The following LAMB2 variants were observed in gnomAD, a reference collection of about 807,000 sequenced individuals.
The protein encoded by LAMB2 is laminin subunit beta-2.
A neutral mutation model predicts 202.7 loss-of-function variants in LAMB2; 119 were observed. That is an observed-to-expected ratio of 0.59 (90% CI 0.51 to 0.68). The LOEUF is 0.68. LAMB2 is among the 30% of genes least tolerant of loss of function. The pLI is 0.00. For missense variants in LAMB2, 2,124 were observed against 2,410.6 expected (o/e 0.88, Z 2.49); for synonymous variants, 818 against 902.2 (o/e 0.91, Z 1.67).
At chr3:49,128,330 G>A in intron 15 of LAMB2, 128 bp downstream of exon 15, 2 of 1,249,168 alleles carry the variant, frequency 1.6e-6, no homozygotes, top group Non-Finnish European at 2.2e-6. Context: ...CTGGCAACCA[G>A]CATTCTGGAG....
Position 49,128,459 on chromosome 3 carries a change from T to C in LAMB2, c.2017A>G (p.Arg673Gly). Residue 673 changes from arginine (R) to glycine (G), a missense_variant and splice_region_variant, in exon 15 of 32, where the codon AGG becomes GGG. Arg to Gly is a moderately radical substitution (Grantham distance 125, BLOSUM62 -2). This residue lies in a region of LAMB2 where 1,702 missense variants were observed against 1,896.3 expected (regional missense o/e 0.90). Coordinates refer to ENST00000305544, the MANE Select transcript of LAMB2 (RefSeq NM_002292.4). ...RIQGTLQPHARYLIFPNPVCL... is the reference protein window; with the variant it reads ...RIQGTLQPHAGYLIFPNPVCL... Reference sequence around the variant, plus strand: ...GAGTGCTACCACCAGTGCCCTCACCTGGCATGTGGTTGCAGAGTCCCTTGG... The same window carrying C: ...GAGTGCTACCACCAGTGCCCTCACCCGGCATGTGGTTGCAGAGTCCCTTGG... 4 of 1,613,788 alleles carry C rather than the reference T, an allele frequency of 2.5e-6. No homozygotes were observed. The highest frequency in any genetic ancestry group is 3.4e-6 in the Non-Finnish European group (4 of 1,179,916).
chr3:49,127,704 C>T (rs1008254516), intron 15 of LAMB2, among the ~76,000 whole-genome samples: 3 of 147,318 alleles, frequency 2.0e-5, no homozygotes, highest in African/African-American at 7.6e-5. Context: ...CAAAAACAAA[C>T]AAACAAACAA....
In LAMB2 at chr3:49,121,585, C is replaced by T. The variant is rs771531508; in HGVS notation, c.5108G>A (p.Arg1703His). ...CTGGTACTGATCACCCAGAGGACCG[C>T]GTAGCAGCTGCAGATGTAGAGGGTT... ...GRAQEAEQLL[R>H]GPLGDQYQTV... Residue 1703 changes from arginine (R) to histidine (H), a missense_variant, in exon 31 of 32, where the codon CGC becomes CAC. Around this residue, in one of 3 missense-constraint regions of LAMB2, gnomAD observed 1,702 missense variants for 1,896.3 expected, o/e 0.90. Coordinates refer to ENST00000305544, the MANE Select transcript of LAMB2 (RefSeq NM_002292.4). The T allele has an allele frequency of 4.2e-5, 68 of 1,613,886 alleles. No homozygotes were observed. In the South Asian group the frequency reaches 7.4e-4, roughly 17 times the overall value.
At position 49,129,437 on chromosome 3, in the gene LAMB2, C is replaced by T. The variant is rs555797428; in HGVS notation, c.1519-113G>A. On this transcript the variant is annotated intron_variant, in intron 11 of 31. Transcript: ENST00000305544. This position sits in a 1 kb window ranked among gnomAD's most constrained non-coding sequence, Gnocchi z 6.1. ...TCAATCACCCCTCAGTGAAAACATGCCCCCCAGACCACTGGCCCACATCCT... is the reference window on the plus strand; with the variant it reads ...TCAATCACCCCTCAGTGAAAACATGTCCCCCAGACCACTGGCCCACATCCT... 3 of 1,113,294 alleles carry T rather than the reference C, an allele frequency of 2.7e-6. No homozygotes were observed. Among genetic ancestry groups the T allele is most frequent in the South Asian group, 1.3e-5 (1 of 75,290 alleles). 69.0% of individuals were successfully genotyped at this position (1,113,294 alleles called of 1,614,324 possible).
chr3:49,126,211 A>G, intron 16 of LAMB2, 52 bp from the exon 17 acceptor site: 1 of 1,607,464 alleles, frequency 6.2e-7, no homozygotes, highest in Non-Finnish European at 8.5e-7. Flanking sequence ...CCACGTAGGC[A>G]TTGCCAGAGC....
At position 49,131,915 on chromosome 3, in the gene LAMB2, G is replaced by T. The variant is rs963946202; in HGVS notation, c.460-192C>A. ...AGACTCAGGGTTCATGGGGCTCAGG[G>T]AGACAGCGCCTGACCCAGCCTGGGA... On this transcript the variant is annotated intron_variant, in intron 4 of 31. Coordinates refer to ENST00000305544, the MANE Select transcript of LAMB2 (RefSeq NM_002292.4). The surrounding 1 kb of genome is among the most constrained non-coding windows in gnomAD (Gnocchi z 5.0). 6.6e-6 allele frequency among the ~76,000 whole-genome samples: 1 copy of T among 152,202 alleles called. No individual in the cohort carries two copies. Among genetic ancestry groups the T allele is most frequent in the African/African-American group, 2.4e-5 (1 of 41,438 alleles).
Position 49,128,547 on chromosome 3 carries a change from C to T in LAMB2, c.1929G>A (p.Gln643=). The T allele has an allele frequency of 6.2e-7, 1 of 1,614,220 alleles. No homozygotes were observed. The highest frequency in any genetic ancestry group is 1.1e-5 in the South Asian group (1 of 91,090). The change falls in exon 15 of 32, where the codon CAG becomes CAA. Residue 643 remains glutamine, a synonymous_variant. Coordinates refer to ENST00000305544, the MANE Select transcript of LAMB2 (RefSeq NM_002292.4). The stretch of plus-strand genomic sequence containing the variant: ...TGTGGGCAGGCACAGGCCCTGGACG[C>T]TGCACAATCAGTTCCAACTCTGCCC... ...EQWAELELIV[Q]RPGPVPAHSL... is the part of the protein sequence containing the mutation.
In LAMB2 at chr3:49,121,992, G is replaced by T. The variant is rs2045290798; in HGVS notation, c.4875C>A (p.Ile1625=). 2 of 1,613,768 alleles carry T rather than the reference G, an allele frequency of 1.2e-6. No homozygotes were observed. The highest frequency in any genetic ancestry group is 1.7e-6 in the Non-Finnish European group (2 of 1,180,028). The part of the protein sequence containing the change: ...QRAQGIAQGA[I]RGAVADTRDT... Reference sequence around the variant, plus strand: ...CCCGTGTGTCAGCCACTGCCCCCCGGATGGCACCCTGGGCAATACCCTGTG... The same window carrying T: ...CCCGTGTGTCAGCCACTGCCCCCCGTATGGCACCCTGGGCAATACCCTGTG... The change falls in exon 29 of 32, where the codon ATC becomes ATA. Residue 1625 remains isoleucine (I), a synonymous_variant. Coordinates refer to ENST00000305544, the MANE Select transcript of LAMB2 (RefSeq NM_002292.4).
In LAMB2 at chr3:49,123,029, T is replaced by A; in HGVS notation, c.4248A>T (p.Ala1416=). ...CCCCACAAGGGCTTGTAGCACAGGG[T>A]GCATCCCCTGGTGCCCCACACACCT... is the stretch of plus-strand genomic sequence containing the variant. The part of the protein sequence containing the change: ...NELVCGAPGD[A]PCATSPCGGA... The change falls in exon 27 of 32, where the codon GCA becomes GCT. Residue 1416 remains alanine, a synonymous_variant. Coordinates refer to ENST00000305544, the MANE Select transcript of LAMB2 (RefSeq NM_002292.4). The A allele has an allele frequency of 6.2e-7, 1 of 1,607,720 alleles. No homozygotes were observed. Among genetic ancestry groups the A allele is most frequent in the Non-Finnish European group, 8.5e-7 (1 of 1,179,960 alleles).
Position 49,121,837 on chromosome 3 carries a change from T to G in LAMB2, c.4947A>C (p.Ala1649=). The change falls in exon 30 of 32, where the codon GCA becomes GCC. Residue 1649 remains alanine (A), a synonymous_variant. Transcript: ENST00000305544. ...LYQVQERMAG[A]ERALSSAGER... ...CACCTGCAGAGCTCAGTGCCCGCTC[T>G]GCACCTGCCATCCTCTCCTGTACCT... 4 of 1,613,090 alleles carry G rather than the reference T, an allele frequency of 2.5e-6. No homozygotes were observed. The highest frequency in any genetic ancestry group is 3.4e-6 in the Non-Finnish European group (4 of 1,180,026).
At chr3:49,122,511 A>T (rs1394015877) in intron 27 of LAMB2, 141 bp from the exon 28 acceptor site, 2 of 957,654 alleles carry the variant, frequency 2.1e-6, no homozygotes, top group Non-Finnish European at 3.3e-6. Context: ...AAGGACAGGG[A>T]CTATACAAGG....
At position 49,132,720 on chromosome 3, in the gene LAMB2, T is replaced by G; in HGVS notation, c.77-57A>C. On this transcript the variant is annotated intron_variant, in intron 1 of 31. Transcript: ENST00000305544. This position sits in a 1 kb window ranked among gnomAD's most constrained non-coding sequence, Gnocchi z 4.6. ...GTTCCTATCCAGTGGCTCCACCTCA[T>G]GTGCCCCAAGGGCAACTACCAGGAC... The G allele has an allele frequency of 6.2e-7, 1 of 1,613,484 alleles. No individual in the cohort carries two copies. The highest frequency in any genetic ancestry group is 8.5e-7 in the Non-Finnish European group (1 of 1,179,408).
Position 49,122,059 on chromosome 3 carries a change from TTC to T in LAMB2, c.4806_4807del (p.Lys1603GlyfsTer28), listed in dbSNP as rs1560066873. The T allele has an allele frequency of 1.9e-6, 3 of 1,613,598 alleles. No homozygotes were observed. Among genetic ancestry groups the T allele is most frequent in the Non-Finnish European group, 2.5e-6 (3 of 1,180,030 alleles). ...CAGTGCTGCCTGTACTGTCTCTGCC[TTC>T]TGTTTCTCATCCTCAGCCCAGCTCC... On this transcript the variant is annotated frameshift_variant, in exon 29 of 32. Transcript: ENST00000305544. LOFTEE classifies it high-confidence loss of function.
rs1475251047 is a variant in LAMB2, at chr3:49,132,324, C to G, written c.331G>C (p.Val111Leu). 2 of 1,614,242 alleles carry G rather than the reference C, an allele frequency of 1.2e-6. No individual in the cohort carries two copies. Among genetic ancestry groups the G allele is most frequent in the Middle Eastern group, 1.6e-4 (1 of 6,062 alleles). ...CGCTGTGGTGCAAAGCTGGTGACTA[C>G]ATTCTGGATGCGATGGCTGTGTGGG... Reference protein sequence around the residue: ...DNPHSHRIQNVVTSFAPQRRA... With the variant: ...DNPHSHRIQNLVTSFAPQRRA... The change falls in exon 3 of 32, where the codon GTA becomes CTA. Residue 111 changes from valine to leucine, a missense_variant. Val to Leu is a conservative substitution (Grantham distance 32). Coordinates refer to ENST00000305544, the MANE Select transcript of LAMB2 (RefSeq NM_002292.4). The surrounding 1 kb of genome is among the most constrained non-coding windows in gnomAD (Gnocchi z 4.6).
Position 49,121,756 on chromosome 3 carries a change from T to C in LAMB2, c.5028A>G (p.Gly1676=), listed in dbSNP as rs1442245285. The C allele has an allele frequency of 6.2e-7, 1 of 1,613,762 alleles. No homozygotes were observed. Reference sequence around the variant, plus strand: ...CTGCTGTAGAGGCTGCCAGACTATTTCCTGCCCGTTTCAATTTCAGAGCCT... The same window carrying C: ...CTGCTGTAGAGGCTGCCAGACTATTCCCTGCCCGTTTCAATTTCAGAGCCT... The part of the protein sequence containing the change: ...LLEALKLKRA[G]NSLAASTAEE... The change falls in exon 30 of 32, where the codon GGA becomes GGG. Residue 1676 remains glycine, a synonymous_variant. Coordinates refer to ENST00000305544, the MANE Select transcript of LAMB2 (RefSeq NM_002292.4).
chr3:49,129,828 G>C lies in LAMB2; in HGVS notation c.1405+11C>G, dbSNP rs749847090. 25 of 1,613,756 alleles carry C rather than the reference G, an allele frequency of 1.5e-5. No homozygotes were observed. The highest frequency in any genetic ancestry group is 2.1e-5 in the Non-Finnish European group (25 of 1,179,980). ...AAGGTCAGCATAGAAGTTAGGGCAG[G>C]AGACACATACGCCGGCAGCCCAGAC... On this transcript the variant is annotated intron_variant, in intron 10 of 31. Transcript: ENST00000305544. The surrounding 1 kb of genome is among the most constrained non-coding windows in gnomAD (Gnocchi z 6.1).
At position 49,130,092 on chromosome 3, in the gene LAMB2, AG is replaced by A; in HGVS notation, c.1226-75del. On this transcript the variant is annotated intron_variant, in intron 9 of 31. Coordinates refer to ENST00000305544, the MANE Select transcript of LAMB2 (RefSeq NM_002292.4). This position sits in a 1 kb window ranked among gnomAD's most constrained non-coding sequence, Gnocchi z 5.0. ...CACTGCCAGTCCTCTCCTAAGCCTA[AG>A]GGATCCCACCCTGGATCCCTGGTCA... The A allele has an allele frequency of 6.3e-7, 1 of 1,588,788 alleles. No individual in the cohort carries two copies. The highest frequency in any genetic ancestry group is 8.6e-7 in the Non-Finnish European group (1 of 1,157,840).
At position 49,126,421 on chromosome 3, in the gene LAMB2, CT is replaced by C. The variant is rs1434863052; in HGVS notation, c.2094del (p.Gly700GlufsTer28). On this transcript the variant is annotated frameshift_variant, in exon 16 of 32. Coordinates refer to ENST00000305544, the MANE Select transcript of LAMB2 (RefSeq NM_002292.4). LOFTEE classifies it high-confidence loss of function. ...SYKLHLKLVR[T>X]GGSAQPETPY... ...GGAGTCTCAGGCTGGGCACTTCCCCCTGTCCGTACCAGCTTCAGATGCAGCT... is the reference window on the plus strand; with the variant it reads ...GGAGTCTCAGGCTGGGCACTTCCCCCGTCCGTACCAGCTTCAGATGCAGCT... 1 of 1,614,092 alleles carries C rather than the reference CT, an allele frequency of 6.2e-7. No individual in the cohort carries two copies. Among genetic ancestry groups the C allele is most frequent in the Admixed American group, 1.7e-5 (1 of 60,000 alleles).
chr3:49,130,934 G>A lies in LAMB2; in HGVS notation c.915+16C>T, dbSNP rs376022767. ...CCCTGCCCCTAGCCCTATCCCAACC[G>A]TCTGAAGCCCCTTACCATGCCCTCA... On this transcript the variant is annotated intron_variant, in intron 7 of 31. Coordinates refer to ENST00000305544, the MANE Select transcript of LAMB2 (RefSeq NM_002292.4). The surrounding 1 kb of genome is among the most constrained non-coding windows in gnomAD (Gnocchi z 5.0). The A allele has an allele frequency of 2.6e-4, 422 of 1,614,070 alleles. 1 individual carries two copies. Among genetic ancestry groups the A allele is most frequent in the Admixed American group, 4.3e-4 (26 of 60,026 alleles).
Sources: allele counts gnomAD v4.1 joint callset (sites outside exome capture counted in the v4.1 genomes callset), GRCh38; gene constraint gnomAD v4.1.1; regional missense constraint gnomAD v4.1.1; non-coding constraint Gnocchi (gnomAD v3.1); transcripts MANE v1.5; gene names NCBI Gene and HGNC (gene_info 2026-07-23, HGNC 2026-07-21).